The following PLCB4 variants were observed in gnomAD, a reference collection of about 807,000 sequenced individuals.
PLCB4 encodes the protein phospholipase C beta 4.
Under a neutral mutation model 178.8 loss-of-function variants are expected in PLCB4, and 77 were observed. The observed-to-expected ratio is 0.43, with a 90% CI of 0.36 to 0.52. The LOEUF (loss-of-function observed/expected upper bound fraction) is 0.52, where lower values mean the gene tolerates loss of function less well. PLCB4 is among the 20% of genes least tolerant of loss of function. The pLI, the probability that PLCB4 is intolerant of heterozygous loss-of-function variation, is 0.00. For synonymous variants in PLCB4, 496 were observed against 490.8 expected (o/e 1.01, Z -0.14); for missense variants, 1,024 against 1,453.4 (o/e 0.70, Z 4.80).
rs114509200 is a variant in PLCB4, at chr20:9,259,758, T to C, written c.-16+42306T>C. On this transcript the variant is annotated intron_variant, in intron 3 of 39. Coordinates refer to ENST00000378473, the MANE Select transcript of PLCB4 (RefSeq NM_001377142.1). ...GAAAGGCAGCTAGTCCAAATTGAGA[T>C]AGGCTCTAAGTATAAAATATATACC... Among the ~76,000 whole-genome samples, 1,299 of 152,152 alleles carry C rather than the reference T, an allele frequency of 8.5e-3. 16 individuals are homozygous for C. The highest frequency in any genetic ancestry group is 0.028 in the African/African-American group (1,165 of 41,514).
intron 18 of PLCB4, among the ~76,000 whole-genome samples, chr20:9,395,232 AC>A (rs2038476485): frequency 6.6e-6 from 1 of 152,128 alleles, no homozygotes; most frequent in Admixed American, 6.5e-5. Context: ...CTTCACGAGG[AC>A]TGAACCTCCT....
rs2092397815 is a variant in PLCB4, at chr20:9,137,014, C to G, written c.-79+40672C>G. 2.6e-5 allele frequency among the ~76,000 whole-genome samples: 4 copies of G among 152,160 alleles called. No individual in the cohort carries two copies. The South Asian group carries it at 8.3e-4, about 32-fold the overall frequency. On this transcript the variant is annotated intron_variant, in intron 2 of 39. Transcript: ENST00000378473. The stretch of plus-strand genomic sequence containing the variant: ...AGTTGCTTAAGAGACTCCCGGGTCT[C>G]TTCTTGCCAACATGCTGTTGGTTGA...
intron 9 of PLCB4, among the ~76,000 whole-genome samples, chr20:9,365,715 A>T (rs904065457): frequency 1.3e-5 from 2 of 152,232 alleles, no homozygotes; most frequent in Admixed American, 6.5e-5. Context: ...TTTTGGTCAA[A>T]ATAGGTGGCA....
chr20:9,070,718 G>A (rs1028594335), intron 1 of PLCB4, among the ~76,000 whole-genome samples: 11 of 152,150 alleles, frequency 7.2e-5, no homozygotes, highest in Non-Finnish European at 1.6e-4. Context: ...GCTGCCAGAC[G>A]AGTAACCTTT....
intron 24 of PLCB4, among the ~76,000 whole-genome samples, chr20:9,409,660 C>A (rs759592884): frequency 1.2e-4 from 18 of 152,102 alleles, no homozygotes; most frequent in Non-Finnish European, 2.2e-4. Context: ...GAAGTAAATG[C>A]CACTAAAATG....
At chr20:9,156,501 T>C (rs2092790842) in intron 2 of PLCB4, among the ~76,000 whole-genome samples, 1 of 152,148 alleles carries the variant, frequency 6.6e-6, no homozygotes, top group Non-Finnish European at 1.5e-5. Flanking sequence ...TTCATATTCA[T>C]GCTGAAGGAC....
chr20:9,158,906 T>C lies in PLCB4; in HGVS notation c.-78-58484T>C, dbSNP rs1193484307. ...TTCCATACTGAATTTGTAAATCATC[T>C]AAAATCACCTTGTAGTTTATTAGTG... On this transcript the variant is annotated intron_variant, in intron 2 of 39. Transcript: ENST00000378473. 2.6e-5 allele frequency among the ~76,000 whole-genome samples: 4 copies of C among 152,216 alleles called. No homozygotes were observed. In the East Asian group the frequency reaches 7.7e-4, roughly 29 times the overall value.
At chr20:9,444,107 C>T (rs1361988416) in intron 31 of PLCB4, 71 bp from the exon 32 acceptor site, 1 of 1,419,922 alleles carries the variant, frequency 7.0e-7, no homozygotes, top group Non-Finnish European at 9.9e-7. Context: ...TGTTTCTCAC[C>T]AAGTGTAATC....
chr20:9,197,029 A>T (rs1369960892), intron 2 of PLCB4, among the ~76,000 whole-genome samples: 1 of 152,236 alleles, frequency 6.6e-6, no homozygotes, highest in African/African-American at 2.4e-5. Context: ...TTTTCCACAA[A>T]TGTGACAAAA....
At chr20:9,289,906 A>G (rs560427776) in intron 3 of PLCB4, among the ~76,000 whole-genome samples, 2 of 152,104 alleles carry the variant, frequency 1.3e-5, no homozygotes, top group Admixed American at 1.3e-4. Context: ...GTAAATGGTG[A>G]AACAGTAAGT....
chr20:9,344,087 C>A (rs1184386028), intron 7 of PLCB4, among the ~76,000 whole-genome samples: 1 of 152,230 alleles, frequency 6.6e-6, no homozygotes, highest in Non-Finnish European at 1.5e-5. Context: ...GATCACATCA[C>A]TCCACTGCTC....
chr20:9,263,819 G>A (rs913552914), intron 3 of PLCB4, among the ~76,000 whole-genome samples: 7 of 152,130 alleles, frequency 4.6e-5, no homozygotes, highest in African/African-American at 1.7e-4. Flanking sequence ...ATCTTATTGT[G>A]TATTGGTACC....
intron 26 of PLCB4, among the ~76,000 whole-genome samples, chr20:9,420,110 A>C (rs2040524129): frequency 6.6e-6 from 1 of 152,214 alleles, no homozygotes; most frequent in South Asian, 2.1e-4. Context: ...AGATACCATC[A>C]AAAAAGTACC....
intron 3 of PLCB4, among the ~76,000 whole-genome samples, chr20:9,256,568 G>A (rs2094238334): frequency 6.6e-6 from 1 of 152,166 alleles, no homozygotes; most frequent in Non-Finnish European, 1.5e-5. Context: ...TGTAAAAACA[G>A]GAGAAAGGAT....
Position 9,395,573 on chromosome 20 carries a change from C to G in PLCB4, c.1465C>G (p.Pro489Ala), listed in dbSNP as rs1436896654. The change falls in exon 19 of 40, where the codon CCA becomes GCA. Residue 489 changes from proline (P) to alanine (A), a missense_variant. Transcript: ENST00000378473. Reference sequence around the variant, plus strand: ...GATGGAAGCTGGAGAATCTGCCTCCCCAGCAAACATCTTAGAGGACGATAA... The same window carrying G: ...GATGGAAGCTGGAGAATCTGCCTCCGCAGCAAACATCTTAGAGGACGATAA... ...SMMEAGESASPANILEDDNEE... is the reference protein window; with the variant it reads ...SMMEAGESASAANILEDDNEE... 3.7e-6 allele frequency: 6 copies of G among 1,613,640 alleles called. No homozygotes were observed. Among genetic ancestry groups the G allele is most frequent in the Non-Finnish European group, 5.1e-6 (6 of 1,179,760 alleles).
Position 9,480,626 on chromosome 20 carries a change from G to C in PLCB4, c.*1617G>C, listed in dbSNP as rs1026358274. ...AATGATGCAAAACATGCAGATTCTA[G>C]TTGACTTCAGTTGTAATAGACTTGT... On this transcript the variant is annotated 3_prime_UTR_variant, in exon 40 of 40. Coordinates refer to ENST00000378473, the MANE Select transcript of PLCB4 (RefSeq NM_001377142.1). The C allele has an allele frequency of 5.9e-5, 9 of 152,084 alleles. No homozygotes were observed. Among genetic ancestry groups the C allele is most frequent in the Admixed American group, 4.6e-4 (7 of 15,260 alleles). 9.4% of individuals were successfully genotyped at this position (152,084 alleles called of 1,614,324 possible). A position where few individuals can be genotyped will look rare whatever the true frequency, so the allele number is the denominator to read the frequency against.
At chr20:9,218,394 C>T (rs746763992) in intron 3 of PLCB4, among the ~76,000 whole-genome samples, 3 of 152,150 alleles carry the variant, frequency 2.0e-5, no homozygotes, top group South Asian at 4.1e-4. Context: ...TATGAACCAC[C>T]GAACCTGGCT....
At chr20:9,435,392 T>C (rs2041699407) in intron 28 of PLCB4, among the ~76,000 whole-genome samples, 168 bp from the exon 29 acceptor site, 1 of 152,240 alleles carries the variant, frequency 6.6e-6, no homozygotes, top group Non-Finnish European at 1.5e-5. Flanking sequence ...TCCTTTCTTG[T>C]TTTCTGCAAC....
chr20:9,395,832 C>T (rs979152875), intron 19 of PLCB4, among the ~76,000 whole-genome samples: 3 of 151,958 alleles, frequency 2.0e-5, no homozygotes, highest in Non-Finnish European at 2.9e-5. Context: ...ATTAGCCAGA[C>T]GTGGTGGCCT....
Sources: gnomAD v4.1 joint callset for allele counts (sites outside exome capture counted in the v4.1 genomes callset) on GRCh38, gnomAD v4.1.1 for gene constraint, MANE v1.5 for transcripts, NCBI Gene and HGNC (gene_info 2026-07-23, HGNC 2026-07-21) for gene names.